Variants in UTP18 observed in about 807,000 individuals in gnomAD.
UTP18 encodes U3 small nucleolar RNA-associated protein 18 homolog.
Under a neutral mutation model 61.1 loss-of-function variants are expected in UTP18, and 36 were observed. The observed-to-expected ratio is 0.59, with a 90% CI of 0.45 to 0.78. UTP18 has a LOEUF of 0.78. UTP18 is among the 30% of genes least tolerant of loss of function. The probability of loss-of-function intolerance (pLI) is 0.00; values close to 1 mark genes in which losing one functional copy is unlikely to be tolerated. For missense variants in UTP18, 753 were observed against 693.9 expected (o/e 1.09, Z -0.96); for synonymous variants, 282 against 251.1 (o/e 1.12, Z -1.16).
intron 5 of UTP18, 128 bp downstream of exon 5, chr17:51,273,578 T>C (rs1904605819): frequency 1.6e-6 from 1 of 607,576 alleles, no homozygotes; most frequent in Admixed American, 3.6e-5. Flanking sequence ...CATTTTGCCC[T>C]GGTAAATACT....
chr17:51,270,236 C>G (rs1200884957), intron 4 of UTP18, among the ~76,000 whole-genome samples: 2 of 152,186 alleles, frequency 1.3e-5, no homozygotes, highest in Non-Finnish European at 2.9e-5. Context: ...CAACAAGTCT[C>G]TACTCCTACG....
chr17:51,282,524 G>GGAAA (rs1002728337), intron 9 of UTP18, among the ~76,000 whole-genome samples: 4 of 76,004 alleles, frequency 5.3e-5, no homozygotes, highest in South Asian at 4.5e-4. Flanking sequence ...AAGGAAGGAA[G>GGAAA]GAAAGAAAGA....
chr17:51,273,283 T>C, intron 4 of UTP18, 79 bp from the exon 5 acceptor site: 1 of 1,008,118 alleles, frequency 9.9e-7, no homozygotes, highest in Non-Finnish European at 1.4e-6. Flanking sequence ...GTTGAAAATA[T>C]ATTCATAGAA....
chr17:51,273,863 A>T (rs1317304456), intron 5 of UTP18, among the ~76,000 whole-genome samples: 1 of 152,124 alleles, frequency 6.6e-6, no homozygotes, highest in South Asian at 2.1e-4. Flanking sequence ...CTTATCTGGC[A>T]TATTGCAGTA....
At chr17:51,276,973 G>A (rs998403780) in intron 6 of UTP18, among the ~76,000 whole-genome samples, 157 bp from the exon 7 acceptor site, 4 of 152,208 alleles carry the variant, frequency 2.6e-5, no homozygotes. Context: ...TCTTGACATA[G>A]GCATGGTTGA....
chr17:51,293,499 GTTGT>G lies in UTP18; in HGVS notation c.1504-401_1504-398del, dbSNP rs1453575599. ...TGTAAACTTTCTTAAAACATGAGTT[GTTGT>G]TTTTTTTTTTTTTAAGCTCATCACC... is the stretch of plus-strand genomic sequence containing the variant. On this transcript the variant is annotated intron_variant, in intron 11 of 13. Coordinates refer to ENST00000225298, the MANE Select transcript of UTP18 (RefSeq NM_016001.3). Among the ~76,000 whole-genome samples the G allele has an allele frequency of 5.8e-5, 5 of 86,072 alleles. 1 individual carries two copies. In the South Asian group the frequency reaches 2.2e-3, roughly 38 times the overall value. The allele number at this position is 86,072 out of a possible 152,430, so 56.5% of individuals were successfully genotyped here.
At chr17:51,269,554 T>C (rs1490322254) in intron 4 of UTP18, among the ~76,000 whole-genome samples, 1 of 152,118 alleles carries the variant, frequency 6.6e-6, no homozygotes, top group African/African-American at 2.4e-5. Flanking sequence ...CTTAGCATCC[T>C]TCATGTCCGT....
At position 51,265,542 on chromosome 17, in the gene UTP18, C is replaced by T. The variant is rs1040639247; in HGVS notation, c.456-640C>T. ...CCTCCCAAAGTGCTGGGATTGCAGGCATGAGCCACCGTGCCCGGCCTTTTT... is the reference window on the plus strand; with the variant it reads ...CCTCCCAAAGTGCTGGGATTGCAGGTATGAGCCACCGTGCCCGGCCTTTTT... On this transcript the variant is annotated intron_variant, in intron 2 of 13. Transcript: ENST00000225298. Among the ~76,000 whole-genome samples, 3 of 146,570 alleles carry T rather than the reference C, an allele frequency of 2.0e-5. No individual in the cohort carries two copies. In the Admixed American group the frequency reaches 2.1e-4, roughly 10 times the overall value.
intron 4 of UTP18, among the ~76,000 whole-genome samples, chr17:51,269,864 T>TGTGTGTCA (rs1555707290): frequency 1.1e-3 from 162 of 152,010 alleles, no homozygotes; most frequent in African/African-American, 3.7e-3. Flanking sequence ...TGTGTGTGTG[T>TGTGTGTCA]GTGTGTCAGT....
intron 11 of UTP18, 32 bp downstream of exon 11, chr17:51,288,235 A>G (rs1905163433): frequency 1.3e-6 from 2 of 1,525,236 alleles, no homozygotes; most frequent in African/African-American, 2.8e-5. Flanking sequence ...TATTATTGTT[A>G]TTTTTTAAAT....
At chr17:51,280,835 C>T (rs911732101) in intron 9 of UTP18, among the ~76,000 whole-genome samples, 1 of 151,106 alleles carries the variant, frequency 6.6e-6, no homozygotes, top group African/African-American at 2.4e-5. Context: ...TTTTTTTTAG[C>T]CATCTATCCT....
At chr17:51,282,867 C>CTTCTTTT (rs753924069) in intron 9 of UTP18, among the ~76,000 whole-genome samples, 35 of 120,712 alleles carry the variant, frequency 2.9e-4, no homozygotes, top group African/African-American at 9.6e-4. Context: ...TCTTCTTCTT[C>CTTCTTTT]TTTTTTTTTT....
chr17:51,265,380 C>T (rs970373054), intron 2 of UTP18, among the ~76,000 whole-genome samples: 2 of 151,570 alleles, frequency 1.3e-5, no homozygotes, highest in African/African-American at 4.9e-5. Context: ...TCACCTGCCT[C>T]AGCCTCCTGA....
At position 51,293,897 on chromosome 17, in the gene UTP18, C is replaced by T. The variant is rs1007731149; in HGVS notation, c.1504-6C>T. On this transcript the variant is annotated splice_region_variant and splice_polypyrimidine_tract_variant and intron_variant, in intron 11 of 13. Transcript: ENST00000225298. ...ACACTTTAAAGTTTTTTATTATCTC[C>T]TGCAGGTTCATCTTCCTTCCTGTAC... 4 of 1,564,414 alleles carry T rather than the reference C, an allele frequency of 2.6e-6. No individual in the cohort carries two copies. Among genetic ancestry groups the T allele is most frequent in the Admixed American group, 2.0e-5 (1 of 50,502 alleles).
At chr17:51,282,867 C>CTTTTTTTTTTTTTTTTT (rs534175274) in intron 9 of UTP18, among the ~76,000 whole-genome samples, 1 of 120,696 alleles carries the variant, frequency 8.3e-6, no homozygotes, top group Non-Finnish European at 1.7e-5. Flanking sequence ...TCTTCTTCTT[C>CTTTTTTTTTTTTTTTTT]TTTTTTTTTT....
chr17:51,279,939 C>A, intron 7 of UTP18, 66 bp from the exon 8 acceptor site: 1 of 1,278,808 alleles, frequency 7.8e-7, no homozygotes, highest in Non-Finnish European at 1.1e-6. Flanking sequence ...ACTCATTTGT[C>A]AATAGATGAT....
At chr17:51,275,364 T>G (rs1358145141) in intron 5 of UTP18, among the ~76,000 whole-genome samples, 2 of 152,204 alleles carry the variant, frequency 1.3e-5, no homozygotes, top group African/African-American at 2.4e-5. Flanking sequence ...TTACCATTAC[T>G]TTAAACTTGG....
intron 2 of UTP18, among the ~76,000 whole-genome samples, chr17:51,263,776 T>C (rs2055531941): frequency 6.6e-6 from 1 of 152,226 alleles, no homozygotes; most frequent in Non-Finnish European, 1.5e-5. Flanking sequence ...AAATAGTACT[T>C]GTAGAACTTT....
At chr17:51,280,247 G>T in intron 8 of UTP18, 142 bp downstream of exon 8, 1 of 1,284,400 alleles carries the variant, frequency 7.8e-7, no homozygotes, top group Non-Finnish European at 1.1e-6. Flanking sequence ...GTTGTGGGCA[G>T]TTGGGGGAGA....
Sources: allele counts gnomAD v4.1 joint callset (sites outside exome capture counted in the v4.1 genomes callset), GRCh38; gene constraint gnomAD v4.1.1; transcripts MANE v1.5; gene names NCBI Gene and HGNC (gene_info 2026-07-23, HGNC 2026-07-21).